CNBD1: variants seen among roughly 807,000 people sequenced by gnomAD.
CNBD1 encodes cyclic nucleotide binding domain containing 1.
CNBD1 carries 71 observed loss-of-function variants against 54.4 expected under a neutral mutation model. The ratio of observed to expected loss-of-function variants is 1.30; its 90% CI spans 1.08 to 1.59. The LOEUF (loss-of-function observed/expected upper bound fraction) is 1.59. Ranked by LOEUF, CNBD1 falls within the 40% of genes most tolerant of loss-of-function variation. The pLI, the probability that CNBD1 is intolerant of heterozygous loss-of-function variation, is 0.00. For synonymous variants in CNBD1, 182 were observed against 170.7 expected (o/e 1.07, Z -0.51); for missense variants, 659 against 518.0 (o/e 1.27, Z -2.64).
intron 8 of CNBD1, among the ~76,000 whole-genome samples, chr8:87,342,844 C>A (rs928006154): frequency 6.6e-6 from 1 of 152,148 alleles, no homozygotes; most frequent in East Asian, 1.9e-4. Context: ...CCATGTCCCA[C>A]TGTGCACGCA....
At chr8:87,129,005 G>A (rs896836471) in intron 4 of CNBD1, among the ~76,000 whole-genome samples, 3 of 134,682 alleles carry the variant, frequency 2.2e-5, no homozygotes, top group African/African-American at 5.6e-5. Flanking sequence ...GGGAGACTGA[G>A]GTTGCAGTGA....
chr8:87,011,152 T>C (rs1317074991), intron 4 of CNBD1, among the ~76,000 whole-genome samples: 1 of 151,132 alleles, frequency 6.6e-6, no homozygotes, highest in African/African-American at 2.4e-5. Flanking sequence ...GTTTTCAGTT[T>C]AAAAAAATGG....
At chr8:87,295,013 A>G (rs1255257910) in intron 8 of CNBD1, among the ~76,000 whole-genome samples, 1 of 151,534 alleles carries the variant, frequency 6.6e-6, no homozygotes, top group African/African-American at 2.4e-5. Flanking sequence ...TTCTTTTTTT[A>G]TAACTGTTTA....
intron 4 of CNBD1, among the ~76,000 whole-genome samples, chr8:87,033,018 G>C (rs960457634): frequency 6.6e-6 from 1 of 152,066 alleles, no homozygotes; most frequent in Non-Finnish European, 1.5e-5. Flanking sequence ...TTCCTTGATT[G>C]ACTCTATCAT....
rs918154130 is a variant in CNBD1 at position 87,422,448 on chromosome 8, G to A, written c.214-6098G>A. Among the ~76,000 whole-genome samples the A allele has an allele frequency of 2.1e-3, 323 of 150,724 alleles. 1 individual carries two copies. The highest frequency in any genetic ancestry group is 2.5e-3 in the Non-Finnish European group (169 of 67,822). On this transcript the variant is annotated intron_variant, in intron 2 of 7. Coordinates refer to the CNBD1 transcript ENST00000521593. Reference sequence around the variant, plus strand: ...TTTAATCCATCTTGAATTGATTTTTGTATAAGGTGTAAGGAAGGGATTCAG... The same window carrying A: ...TTTAATCCATCTTGAATTGATTTTTATATAAGGTGTAAGGAAGGGATTCAG...
At chr8:87,281,859 C>T (rs980522726) in intron 6 of CNBD1, among the ~76,000 whole-genome samples, 1 of 150,786 alleles carries the variant, frequency 6.6e-6, no homozygotes, top group Non-Finnish European at 1.5e-5. Context: ...GGATAAAAAC[C>T]ATGTGGTATT....
chr8:87,364,355 T>G (rs532176156), intron 10 of CNBD1, among the ~76,000 whole-genome samples: 82 of 152,032 alleles, frequency 5.4e-4, no homozygotes, highest in African/African-American at 1.8e-3. Flanking sequence ...TAAATGTTTG[T>G]TTATTTTGTA....
At chr8:86,887,444 CT>C in intron 1 of CNBD1, 97 bp from the exon 2 acceptor site, 1 of 740,402 alleles carries the variant, frequency 1.4e-6, no homozygotes, top group East Asian at 2.7e-5. Context: ...TCACTGAATT[CT>C]TTCACTATGA....
At chr8:87,330,699 C>T (rs1050830741) in intron 8 of CNBD1, among the ~76,000 whole-genome samples, 1 of 152,028 alleles carries the variant, frequency 6.6e-6, no homozygotes, top group African/African-American at 2.4e-5. Flanking sequence ...GTTTTATGGG[C>T]TGAAATGTGG....
chr8:87,031,374 A>G (rs1809787814), intron 4 of CNBD1, among the ~76,000 whole-genome samples: 1 of 152,128 alleles, frequency 6.6e-6, no homozygotes, highest in East Asian at 1.9e-4. Flanking sequence ...CATCAAACTG[A>G]GGTTCAGAGA....
chr8:87,039,177 A>G (rs1476393158), intron 4 of CNBD1, among the ~76,000 whole-genome samples: 1 of 152,166 alleles, frequency 6.6e-6, no homozygotes, highest in Non-Finnish European at 1.5e-5. Flanking sequence ...ATATTTCAGG[A>G]GGAGTGAACA....
intron 4 of CNBD1, among the ~76,000 whole-genome samples, chr8:86,982,362 A>G (rs918778137): frequency 2.0e-5 from 3 of 152,288 alleles, no homozygotes; most frequent in Non-Finnish European, 2.9e-5. Context: ...TCAAAGAGCA[A>G]AAGGTTTTAA....
chr8:87,393,009 T>C (rs1048409448), intron 2 of CNBD1, among the ~76,000 whole-genome samples: 2 of 151,820 alleles, frequency 1.3e-5, no homozygotes, highest in African/African-American at 4.8e-5. Context: ...GAAGATTTAT[T>C]TAGAGGTTTT....
At chr8:87,037,961 A>T (rs775401496) in intron 4 of CNBD1, among the ~76,000 whole-genome samples, 16 of 152,202 alleles carry the variant, frequency 1.1e-4, no homozygotes, top group Non-Finnish European at 2.4e-4. Context: ...GCTTAGTATA[A>T]ACTTTCAGTC....
chr8:87,332,811 C>T (rs1239521044), intron 8 of CNBD1, among the ~76,000 whole-genome samples: 1 of 151,952 alleles, frequency 6.6e-6, no homozygotes, highest in Non-Finnish European at 1.5e-5. Flanking sequence ...TCAGGTGATG[C>T]CTCCAGCTTT....
At chr8:87,416,179 A>T (rs1807830763) in intron 2 of CNBD1, among the ~76,000 whole-genome samples, 1 of 152,008 alleles carries the variant, frequency 6.6e-6, no homozygotes, top group African/African-American at 2.4e-5. Context: ...ACACACAAAA[A>T]ATCCACAATT....
chr8:87,094,607 A>T (rs779847163), intron 4 of CNBD1, among the ~76,000 whole-genome samples: 4 of 152,170 alleles, frequency 2.6e-5, no homozygotes, highest in Non-Finnish European at 5.9e-5. Flanking sequence ...GGGATGTTAG[A>T]TGATCTGGTT....
chr8:87,212,719 G>T (rs62527352), intron 5 of CNBD1, among the ~76,000 whole-genome samples: 6,460 of 152,004 alleles, frequency 0.042, 190 homozygotes, highest in Non-Finnish European at 0.064. Context: ...CATGAATCAA[G>T]GATATAAAGG....
intron 8 of CNBD1, among the ~76,000 whole-genome samples, chr8:87,295,285 T>C (rs1369274624): frequency 6.6e-6 from 1 of 151,930 alleles, no homozygotes; most frequent in African/African-American, 2.4e-5. Flanking sequence ...TATTTATATC[T>C]ATAGAATACT....
Sources: gnomAD v4.1 joint callset for allele counts (sites outside exome capture counted in the v4.1 genomes callset) on GRCh38, gnomAD v4.1.1 for gene constraint, MANE v1.5 for transcripts, NCBI Gene and HGNC (gene_info 2026-07-23, HGNC 2026-07-21) for gene names.